Variants in PEDS1 observed in about 807,000 individuals in gnomAD.
The protein encoded by PEDS1 is CarF homolog.
PEDS1 carries 14 observed loss-of-function variants against 35.2 expected under a neutral mutation model. The ratio of observed to expected loss-of-function variants is 0.40; its 90% CI spans 0.26 to 0.62. The LOEUF is 0.62. Ranked by LOEUF, PEDS1 falls within the 20% of genes least tolerant of loss-of-function variation. The pLI is 0.44. For missense variants in PEDS1, 260 were observed against 367.8 expected, an observed-to-expected ratio of 0.71 and a Z score of 2.40; for synonymous variants, 152 against 152.0, an observed-to-expected ratio of 1.00 and a Z score of 0.00.
At chr20:50,137,627 C>A (rs189916641) in intron 2 of PEDS1, among the ~76,000 whole-genome samples, 1 of 152,314 alleles carries the variant, frequency 6.6e-6, no homozygotes, top group African/African-American at 2.4e-5. Flanking sequence ...AATCCCAGCA[C>A]TTTAGAAGGC....
intron 5 of PEDS1, among the ~76,000 whole-genome samples, chr20:50,126,543 C>A (rs1264190235): frequency 6.6e-6 from 1 of 152,200 alleles, no homozygotes; most frequent in Non-Finnish European, 1.5e-5. Flanking sequence ...ATGCCAAACA[C>A]CGCATTTGCC....
chr20:50,119,871 A>G lies in PEDS1; in HGVS notation c.*5187T>C, dbSNP rs2081036443. 1 of 152,252 alleles carries G rather than the reference A, an allele frequency of 6.6e-6. No homozygotes were observed. The allele number at this position is 152,252 out of a possible 1,614,324, so 9.4% of individuals were successfully genotyped here. On this transcript the variant is annotated 3_prime_UTR_variant, in exon 6 of 6. Coordinates refer to ENST00000371652, the MANE Select transcript of PEDS1 (RefSeq NM_199129.4). ...TGCAGTGCAAAAGCAGCCTCGGACA[A>G]TATGTAAATGAGGGGCATGGCTGTG...
chr20:50,148,267 C>T (rs1471669668), intron 1 of PEDS1, among the ~76,000 whole-genome samples: 1 of 152,190 alleles, frequency 6.6e-6, no homozygotes, highest in Non-Finnish European at 1.5e-5. Context: ...TCCAAAGTCA[C>T]TTGAGGGTCA....
At chr20:50,131,481 G>A (rs561292537) in intron 2 of PEDS1, among the ~76,000 whole-genome samples, 36 of 152,190 alleles carry the variant, frequency 2.4e-4, no homozygotes, top group Admixed American at 4.6e-4. Flanking sequence ...AATTAGCCAG[G>A]TGTGGTGGCA....
chr20:50,139,717 T>G (rs1466199207), intron 2 of PEDS1, among the ~76,000 whole-genome samples: 2 of 150,082 alleles, frequency 1.3e-5, no homozygotes, highest in Non-Finnish European at 3.0e-5. Flanking sequence ...TCTCACTCTG[T>G]CGCCCAGGCT....
intron 2 of PEDS1, among the ~76,000 whole-genome samples, chr20:50,133,103 G>C (rs1465435201): frequency 1.3e-5 from 2 of 152,188 alleles, no homozygotes; most frequent in African/African-American, 4.8e-5. Flanking sequence ...TGGGGGTACT[G>C]TGGAGACTGC....
At chr20:50,143,461 C>A in intron 2 of PEDS1, 41 bp downstream of exon 2, 1 of 1,579,330 alleles carries the variant, frequency 6.3e-7, no homozygotes, top group East Asian at 2.3e-5. Flanking sequence ...TCCCTGGCCC[C>A]TAGGGAAGTT....
At chr20:50,139,529 C>T (rs536300702) in intron 2 of PEDS1, among the ~76,000 whole-genome samples, 1 of 152,056 alleles carries the variant, frequency 6.6e-6, no homozygotes, top group African/African-American at 2.4e-5. Context: ...GGTTCTCCCC[C>T]CATCTCCCTG....
rs1404757482 is a variant in PEDS1, at chr20:50,121,926, T to C, written c.*3132A>G. The C allele has an allele frequency of 1.3e-5, 2 of 152,266 alleles. No homozygotes were observed. The highest frequency in any genetic ancestry group is 1.3e-4 in the Admixed American group (2 of 15,288). The allele number at this position is 152,266 out of a possible 1,614,324, so 9.4% of individuals were successfully genotyped here. A position where few individuals can be genotyped will look rare whatever the true frequency, so the allele number is the denominator to read the frequency against. ...ATCCACCATTGACTTCTTTTTGTAG[T>C]AATGCCTTAGGAAGAGGTGATCACA... is the stretch of plus-strand genomic sequence containing the variant. On this transcript the variant is annotated 3_prime_UTR_variant, in exon 6 of 6. Coordinates refer to ENST00000371652, the MANE Select transcript of PEDS1 (RefSeq NM_199129.4).
Position 50,125,002 on chromosome 20 carries a change from T to C in PEDS1, c.*56A>G. ...CTCAAAGAGGCTGGAATTTGGCAGA[T>C]GGCTTCGGTTTGGGGGCTAGGGAAG... is the stretch of plus-strand genomic sequence containing the variant. On this transcript the variant is annotated 3_prime_UTR_variant, in exon 6 of 6. Transcript: ENST00000371652. The C allele has an allele frequency of 6.2e-7, 1 of 1,600,644 alleles. No homozygotes were observed. The highest frequency in any genetic ancestry group is 8.5e-7 in the Non-Finnish European group (1 of 1,170,596).
At chr20:50,127,929 G>A (rs745544342) in intron 5 of PEDS1, 46 bp downstream of exon 5, 6 of 1,593,998 alleles carry the variant, frequency 3.8e-6, no homozygotes, top group Non-Finnish European at 5.1e-6. Flanking sequence ...AGATGGTGCA[G>A]TGGCTGGGGT....
intron 1 of PEDS1, among the ~76,000 whole-genome samples, chr20:50,149,613 C>T (rs1288980135): frequency 2.0e-5 from 3 of 152,130 alleles, no homozygotes; most frequent in African/African-American, 7.2e-5. Flanking sequence ...TTGGGGCCTG[C>T]GAAATCAGGC....
At position 50,125,116 on chromosome 20, in the gene PEDS1, C is replaced by T. The variant is rs757463804; in HGVS notation, c.755G>A (p.Gly252Asp). The change falls in exon 6 of 6, where the codon GGC becomes GAC. Residue 252 changes from glycine (G) to aspartate (D), a missense_variant. This residue lies in a region of PEDS1 where 83 missense variants were observed against 142.8 expected (regional missense o/e 0.58). Coordinates refer to ENST00000371652, the MANE Select transcript of PEDS1 (RefSeq NM_199129.4). ...FWRRLEDLIQ[G>D]LTGEKPRADD... ...TGCCCGAGGCTTCTCGCCCGTCAGG[C>T]CCTGGATGAGGTCCTCCAGGCGTCG... 6.2e-7 allele frequency: 1 copy of T among 1,614,186 alleles called. No individual in the cohort carries two copies. The highest frequency in any genetic ancestry group is 8.5e-7 in the Non-Finnish European group (1 of 1,180,000).
chr20:50,130,374 A>C (rs922824844), intron 3 of PEDS1, among the ~76,000 whole-genome samples: 1 of 152,164 alleles, frequency 6.6e-6, no homozygotes, highest in African/African-American at 2.4e-5. Context: ...GGGAAAGTAG[A>C]GATAGAGATG....
intron 2 of PEDS1, among the ~76,000 whole-genome samples, chr20:50,140,534 C>A (rs563691047): frequency 6.6e-6 from 1 of 152,352 alleles, no homozygotes; most frequent in South Asian, 2.1e-4. Context: ...GTGCCAACCT[C>A]GGGGCCTTTG....
chr20:50,131,079 T>C (rs781265015), intron 2 of PEDS1, 132 bp from the exon 3 acceptor site: 2 of 1,558,646 alleles, frequency 1.3e-6, no homozygotes, highest in South Asian at 2.3e-5. Context: ...GTTGGGATGT[T>C]TTCTTCCCTG....
chr20:50,120,563 G>T lies in PEDS1; in HGVS notation c.*4495C>A, dbSNP rs747304289. 6.6e-6 allele frequency: 1 copy of T among 151,776 alleles called. No individual in the cohort carries two copies. Among genetic ancestry groups the T allele is most frequent in the Non-Finnish European group, 1.5e-5 (1 of 68,076 alleles). 9.4% of individuals were successfully genotyped at this position (151,776 alleles called of 1,614,324 possible). A position where few individuals can be genotyped will look rare whatever the true frequency, so the allele number is the denominator to read the frequency against. On this transcript the variant is annotated 3_prime_UTR_variant, in exon 6 of 6. Transcript: ENST00000371652. Reference sequence around the variant, plus strand: ...TATCAAAGGAGGGTTGGCTGGGCGCGGTGGTTCATGCCTGTAATCCCAACA... The same window carrying T: ...TATCAAAGGAGGGTTGGCTGGGCGCTGTGGTTCATGCCTGTAATCCCAACA...
At chr20:50,143,255 T>C (rs1279395074) in intron 2 of PEDS1, among the ~76,000 whole-genome samples, 2 of 152,114 alleles carry the variant, frequency 1.3e-5, no homozygotes, top group African/African-American at 4.8e-5. Context: ...GTTAACAGCA[T>C]TTGCTGATGG....
chr20:50,142,694 C>G lies in PEDS1; in HGVS notation c.241+808G>C, dbSNP rs954237700. On this transcript the variant is annotated intron_variant, in intron 2 of 5. Transcript: ENST00000371652. ...CCTCAAGTCATCCGCCCCCCCCCCC[C>G]CGCCCCAACGGCCTCCCACAGTGCT... 5.6e-5 allele frequency among the ~76,000 whole-genome samples: 6 copies of G among 106,720 alleles called. 1 individual carries two copies. Among genetic ancestry groups the G allele is most frequent in the Non-Finnish European group, 1.1e-4 (5 of 47,058 alleles). The allele number at this position is 106,720 out of a possible 152,430, so 70.0% of individuals were successfully genotyped here.
Sources: gnomAD v4.1 joint callset for allele counts (sites outside exome capture counted in the v4.1 genomes callset) on GRCh38, gnomAD v4.1.1 for gene constraint, gnomAD v4.1.1 regional missense constraint, MANE v1.5 for transcripts, NCBI Gene and HGNC (gene_info 2026-07-23, HGNC 2026-07-21) for gene names.